The following MYO5B variants were observed in gnomAD, a reference collection of about 807,000 sequenced individuals.
The protein encoded by MYO5B is myosin VB, also known as unconventional myosin-Vb.
MYO5B carries 143 observed loss-of-function variants against 229.3 expected under a neutral mutation model. The ratio of observed to expected loss-of-function variants is 0.62; its 90% confidence interval spans 0.54 to 0.72. The LOEUF is 0.72. MYO5B is among the 30% of genes least tolerant of loss of function. The pLI is 0.00. For synonymous variants in MYO5B, 918 were observed against 885.2 expected (o/e 1.04, Z -0.66); for missense variants, 2,321 against 2,331.0 (o/e 1.00, Z 0.09).
chr18:49,872,248 C>T lies in MYO5B; in HGVS notation c.3538-16G>A, dbSNP rs1468851100. ...GTGGTTCCGCCTGCATGGATAGAGA[C>T]ACAAAGATAAGTGCAGACCTCGAGC... On this transcript the variant is annotated splice_polypyrimidine_tract_variant and intron_variant, in intron 26 of 39. Coordinates refer to ENST00000285039, the MANE Select transcript of MYO5B (RefSeq NM_001080467.3). The T allele has an allele frequency of 6.2e-7, 1 of 1,613,760 alleles. No homozygotes were observed. The highest frequency in any genetic ancestry group is 8.5e-7 in the Non-Finnish European group (1 of 1,179,674).
chr18:50,147,840 C>T (rs1192838715), intron 1 of MYO5B, among the ~76,000 whole-genome samples: 1 of 152,090 alleles, frequency 6.6e-6, no homozygotes, highest in Non-Finnish European at 1.5e-5. Context: ...ACTACCTTGC[C>T]AAATCCTGGG....
chr18:49,831,979 C>A (rs2023928542), intron 39 of MYO5B, among the ~76,000 whole-genome samples: 1 of 152,042 alleles, frequency 6.6e-6, no homozygotes, highest in South Asian at 2.1e-4. Flanking sequence ...ATAAGCCAGA[C>A]CCGAAAGAAT....
intron 17 of MYO5B, among the ~76,000 whole-genome samples, chr18:49,923,286 C>T (rs1339847875): frequency 1.3e-5 from 2 of 152,214 alleles, no homozygotes; most frequent in East Asian, 3.9e-4. Context: ...AATCTCATAT[C>T]ACTTCCCTGC....
intron 1 of MYO5B, among the ~76,000 whole-genome samples, chr18:50,128,408 TG>T (rs2032201033): frequency 6.6e-6 from 1 of 152,104 alleles, no homozygotes; most frequent in South Asian, 2.1e-4. Context: ...CACAGGTAGA[TG>T]GGGTGCCTGT....
At chr18:49,843,937 C>G (rs892557898) in intron 33 of MYO5B, among the ~76,000 whole-genome samples, 4 of 152,228 alleles carry the variant, frequency 2.6e-5, no homozygotes, top group Non-Finnish European at 5.9e-5. Context: ...GAACAAATTA[C>G]CCAGCCGTGC....
At chr18:49,895,848 G>C (rs2024773039) in intron 21 of MYO5B, among the ~76,000 whole-genome samples, 1 of 152,212 alleles carries the variant, frequency 6.6e-6, no homozygotes, top group Non-Finnish European at 1.5e-5. Context: ...CATGGGCCCA[G>C]AGCCCTAAGA....
At chr18:50,120,516 C>T (rs2032040274) in intron 1 of MYO5B, among the ~76,000 whole-genome samples, 1 of 152,194 alleles carries the variant, frequency 6.6e-6, no homozygotes, top group African/African-American at 2.4e-5. Context: ...CGAAGTGGAA[C>T]TGTCAGAGCC....
intron 17 of MYO5B, 91 bp downstream of exon 17, chr18:49,929,421 T>C: frequency 9.8e-7 from 1 of 1,024,610 alleles, no homozygotes; most frequent in Non-Finnish European, 1.4e-6. Flanking sequence ...GATCTGTTTC[T>C]GGCCGACGGT....
chr18:50,103,125 G>A (rs776165865), intron 1 of MYO5B, among the ~76,000 whole-genome samples: 3 of 152,248 alleles, frequency 2.0e-5, no homozygotes, highest in Non-Finnish European at 4.4e-5. Flanking sequence ...CAGCTCCTGT[G>A]GTTAACTAGC....
At chr18:49,846,312 A>G (rs1479063842) in intron 33 of MYO5B, among the ~76,000 whole-genome samples, 1 of 152,166 alleles carries the variant, frequency 6.6e-6, no homozygotes, top group Non-Finnish European at 1.5e-5. Context: ...ACGGAGCCCG[A>G]GACTCTGCAT....
chr18:50,175,414 A>G (rs2032981806), intron 1 of MYO5B, among the ~76,000 whole-genome samples: 1 of 152,254 alleles, frequency 6.6e-6, no homozygotes, highest in South Asian at 2.1e-4. Flanking sequence ...CACAACATGG[A>G]ACTAAAGCAT....
chr18:49,823,864 T>C lies in MYO5B; in HGVS notation c.*2607A>G, dbSNP rs896504642. 3 of 152,672 alleles carry C rather than the reference T, an allele frequency of 2.0e-5. No individual in the cohort carries two copies. The highest frequency in any genetic ancestry group is 7.2e-5 in the African/African-American group (3 of 41,452). The allele number at this position is 152,672 out of a possible 1,614,324, so 9.5% of individuals were successfully genotyped here. A position where few individuals can be genotyped will look rare whatever the true frequency, so the allele number is the denominator to read the frequency against. ...TACTTAAAACACAAGTTTTGATCTA[T>C]AAATATTTGATTCTTAATATTTAAA... On this transcript the variant is annotated 3_prime_UTR_variant, in exon 40 of 40. Transcript: ENST00000285039.
In MYO5B at chr18:49,839,170, G is replaced by T. The variant is rs1246614187; in HGVS notation, c.4826C>A (p.Ala1609Asp). 6.2e-7 allele frequency: 1 copy of T among 1,613,944 alleles called. No individual in the cohort carries two copies. Among genetic ancestry groups the T allele is most frequent in the Non-Finnish European group, 8.5e-7 (1 of 1,180,034 alleles). Residue 1609 changes from alanine (A) to aspartate (D), a missense_variant, in exon 36 of 40, where the codon GCC (alanine) becomes GAC (aspartate). This residue lies in a region of MYO5B where 2,113 missense variants were observed against 2,044.7 expected (regional missense o/e 1.03). Coordinates refer to ENST00000285039, the MANE Select transcript of MYO5B (RefSeq NM_001080467.3). ...IQIYQQLIKI[A>D]EGVLQPMIVS... ...TATCATCGGCTGTAACACGCCCTCGGCAATTTTAATGAGCTGCTGGTAGAT... is the reference window on the plus strand; with the variant it reads ...TATCATCGGCTGTAACACGCCCTCGTCAATTTTAATGAGCTGCTGGTAGAT...
At chr18:50,023,114 T>C (rs1412333623) in intron 4 of MYO5B, among the ~76,000 whole-genome samples, 1 of 137,454 alleles carries the variant, frequency 7.3e-6, no homozygotes, top group Non-Finnish European at 1.6e-5. Flanking sequence ...ATTTCCTATG[T>C]GAGAAATCCT....
chr18:49,853,229 G>A (rs531812313), intron 31 of MYO5B, among the ~76,000 whole-genome samples: 8 of 152,262 alleles, frequency 5.3e-5, no homozygotes, highest in South Asian at 2.1e-4. Context: ...GGCAGGTGAC[G>A]CCCCCCAGCC....
chr18:50,160,240 T>C (rs542194998), intron 1 of MYO5B, among the ~76,000 whole-genome samples: 5 of 152,294 alleles, frequency 3.3e-5, no homozygotes, highest in African/African-American at 7.2e-5. Context: ...GAAAACTCTA[T>C]GTGGGTGGCT....
chr18:49,963,086 G>T, intron 10 of MYO5B, 56 bp from the exon 11 acceptor site: 1 of 1,435,796 alleles, frequency 7.0e-7, no homozygotes, highest in Non-Finnish European at 9.8e-7. Flanking sequence ...GGAATCACTG[G>T]GACTTCAACA....
intron 2 of MYO5B, 119 bp from the exon 3 acceptor site, chr18:50,040,433 A>G: frequency 9.2e-7 from 1 of 1,081,770 alleles, no homozygotes; most frequent in South Asian, 1.3e-5. Flanking sequence ...AATGAAGATA[A>G]TGTTTTAAAG....
intron 1 of MYO5B, among the ~76,000 whole-genome samples, chr18:50,113,099 C>A (rs1412875097): frequency 6.6e-6 from 1 of 152,078 alleles, no homozygotes. Flanking sequence ...CCTCAATTCC[C>A]TGCCCGTCCC....
Sources: allele counts gnomAD v4.1 joint callset (sites outside exome capture counted in the v4.1 genomes callset), GRCh38; gene constraint gnomAD v4.1.1; regional missense constraint gnomAD v4.1.1; transcripts MANE v1.5; gene names NCBI Gene and HGNC (gene_info 2026-07-23, HGNC 2026-07-21).